The following CCDC88A variants were observed in gnomAD, a reference collection of about 807,000 sequenced individuals.
The protein encoded by CCDC88A is girdin.
A neutral mutation model predicts 234.3 loss-of-function variants in CCDC88A; 54 were observed. That is an observed-to-expected ratio of 0.23 (90% CI 0.19 to 0.29). The LOEUF (loss-of-function observed/expected upper bound fraction) is 0.29, where lower values mean the gene tolerates loss of function less well. Ranked by LOEUF, CCDC88A falls within the 10% of genes least tolerant of loss-of-function variation. CCDC88A has a pLI of 1.00. For missense variants in CCDC88A, 1,832 were observed against 2,123.4 expected (o/e 0.86, Z 2.70); for synonymous variants, 753 against 737.8 (o/e 1.02, Z -0.33).
At chr2:55,325,407 C>T (rs1684139481) in intron 17 of CCDC88A, among the ~76,000 whole-genome samples, 1 of 152,138 alleles carries the variant, frequency 6.6e-6, no homozygotes, top group African/African-American at 2.4e-5. Context: ...GATTAGTTCA[C>T]CTTAGCTGTA....
intron 2 of CCDC88A, among the ~76,000 whole-genome samples, chr2:55,389,461 C>T (rs28498550): frequency 0.065 from 9,828 of 152,084 alleles, 1,004 homozygotes; most frequent in African/African-American, 0.21. Flanking sequence ...TGGGAAATTG[C>T]GGCACCTCCA....
chr2:55,388,944 A>G, intron 2 of CCDC88A, 58 bp from the exon 3 acceptor site: 1 of 497,520 alleles, frequency 2.0e-6, no homozygotes, highest in South Asian at 3.8e-5. Context: ...CAATCTATAT[A>G]TAATTAAAAT....
intron 3 of CCDC88A, among the ~76,000 whole-genome samples, chr2:55,380,391 A>G (rs1042316164): frequency 2.0e-5 from 3 of 152,196 alleles, no homozygotes; most frequent in Admixed American, 1.3e-4. Flanking sequence ...GTTTCACTAA[A>G]TAAGTGGAAA....
In CCDC88A at chr2:55,317,889, T is replaced by C. The variant is rs371496392; in HGVS notation, c.3325-48A>G. 3 of 1,292,808 alleles carry C rather than the reference T, an allele frequency of 2.3e-6. No individual in the cohort carries two copies. The highest frequency in any genetic ancestry group is 1.5e-5 in the African/African-American group (1 of 67,508). 80.1% of individuals were successfully genotyped at this position (1,292,808 alleles called of 1,614,324 possible). A position where few individuals can be genotyped will look rare whatever the true frequency, so the allele number is the denominator to read the frequency against. ...CAGACATAAGAAAAACAGTTCATGT[T>C]CTTTTTCAAAATACAAGATTACAAT... On this transcript the variant is annotated intron_variant, in intron 19 of 32. Coordinates refer to ENST00000436346, the MANE Select transcript of CCDC88A (RefSeq NM_001365480.1). The surrounding 1 kb of genome is among the most constrained non-coding windows in gnomAD (Gnocchi z 4.2).
intron 3 of CCDC88A, among the ~76,000 whole-genome samples, chr2:55,383,787 G>A (rs549112735): frequency 2.0e-5 from 3 of 152,058 alleles, no homozygotes; most frequent in Non-Finnish European, 4.4e-5. Context: ...GGGCTGATGA[G>A]AATTCCATTG....
At chr2:55,340,951 T>G (rs1348812633) in intron 12 of CCDC88A, among the ~76,000 whole-genome samples, 1 of 152,088 alleles carries the variant, frequency 6.6e-6, no homozygotes, top group Non-Finnish European at 1.5e-5. Flanking sequence ...GACCAACATC[T>G]TCCCAATACC....
intron 28 of CCDC88A, 144 bp downstream of exon 28, chr2:55,301,062 A>T (rs1558629368): frequency 1.6e-6 from 1 of 606,218 alleles, no homozygotes; most frequent in Non-Finnish European, 2.9e-6. Flanking sequence ...ATTAGGTTTG[A>T]AGAAATGGTA....
chr2:55,372,589 G>T, intron 4 of CCDC88A, 79 bp from the exon 5 acceptor site: 2 of 713,002 alleles, frequency 2.8e-6, no homozygotes, highest in East Asian at 5.3e-5. Flanking sequence ...ACTTCTAGAG[G>T]TAATTATGCA....
intron 29 of CCDC88A, among the ~76,000 whole-genome samples, chr2:55,297,843 A>C (rs1291395314): frequency 2.0e-5 from 3 of 152,202 alleles, no homozygotes; most frequent in African/African-American, 4.8e-5. Context: ...TTCATCCTGC[A>C]TGGATAACTT....
intron 2 of CCDC88A, among the ~76,000 whole-genome samples, chr2:55,402,998 G>T (rs1378893861): frequency 2.0e-5 from 3 of 151,190 alleles, no homozygotes; most frequent in African/African-American, 7.3e-5. Flanking sequence ...AACTGAGCAA[G>T]ACTCCGTCTA....
intron 2 of CCDC88A, among the ~76,000 whole-genome samples, chr2:55,413,929 G>A (rs370260048): frequency 8.0e-5 from 12 of 150,876 alleles, no homozygotes; most frequent in African/African-American, 2.2e-4. Context: ...TCCAGCCCGG[G>A]CAACAGAACA....
chr2:55,334,294 G>T lies in CCDC88A; in HGVS notation c.2527C>A (p.Gln843Lys). 4 of 1,453,502 alleles carry T rather than the reference G, an allele frequency of 2.8e-6. No homozygotes were observed. Among genetic ancestry groups the T allele is most frequent in the Non-Finnish European group, 3.6e-6 (4 of 1,105,240 alleles). The allele number at this position is 1,453,502 out of a possible 1,614,324, so 90.0% of individuals were successfully genotyped here. A position where few individuals can be genotyped will look rare whatever the true frequency, so the allele number is the denominator to read the frequency against. ...QLEKENKRLR[Q>K]QAEIKDTTLE... is the part of the protein sequence containing the mutation. ...GTGGTATCTTTAATTTCTGCTTGTT[G>T]TCGGAGTCTCTTATTTTCCTTCTCC... Residue 843 changes from glutamine to lysine, a missense_variant, in exon 15 of 33, where the codon CAA becomes AAA. By Grantham distance (53) the Gln-to-Lys change is moderately conservative (BLOSUM62 1). Transcript: ENST00000436346. The surrounding 1 kb of genome is among the most constrained non-coding windows in gnomAD (Gnocchi z 6.1).
rs745526477 is a variant in CCDC88A at position 55,317,444 on chromosome 2, T to G, written c.3603-95A>C. On this transcript the variant is annotated intron_variant, in intron 20 of 32. Coordinates refer to ENST00000436346, the MANE Select transcript of CCDC88A (RefSeq NM_001365480.1). This position sits in a 1 kb window ranked among gnomAD's most constrained non-coding sequence, Gnocchi z 4.2. Reference sequence around the variant, plus strand: ...TAATGAGTATCATTTAAAACACATGTAAATTTATATAAATTTCTTATGTAA... The same window carrying G: ...TAATGAGTATCATTTAAAACACATGGAAATTTATATAAATTTCTTATGTAA... 37 of 1,144,358 alleles carry G rather than the reference T, an allele frequency of 3.2e-5. No individual in the cohort carries two copies. Among genetic ancestry groups the G allele is most frequent in the Non-Finnish European group, 4.2e-5 (35 of 841,226 alleles). 70.9% of individuals were successfully genotyped at this position (1,144,358 alleles called of 1,614,324 possible).
rs760418400 is a variant in CCDC88A at position 55,348,151 on chromosome 2, G to A, written c.882+1367C>T. On this transcript the variant is annotated intron_variant, in intron 9 of 32. Transcript: ENST00000436346. ...GCTAATTTTTTCATTTTTTTGTAGCGATGAGGTTTTGTCACGTTGCCCAGG... is the reference window on the plus strand; with the variant it reads ...GCTAATTTTTTCATTTTTTTGTAGCAATGAGGTTTTGTCACGTTGCCCAGG... Among the ~76,000 whole-genome samples the A allele has an allele frequency of 2.6e-5, 4 of 152,056 alleles. No individual in the cohort carries two copies. In the East Asian group the frequency reaches 7.8e-4, roughly 30 times the overall value.
rs199912954 is a variant in CCDC88A at position 55,328,262 on chromosome 2, T to C, written c.2997+32A>G. On this transcript the variant is annotated intron_variant, in intron 17 of 32. Coordinates refer to ENST00000436346, the MANE Select transcript of CCDC88A (RefSeq NM_001365480.1). The surrounding 1 kb of genome is among the most constrained non-coding windows in gnomAD (Gnocchi z 4.3). The stretch of plus-strand genomic sequence containing the variant: ...GTCCAAATATTTATATAATAAATGA[T>C]CCTTAAAATTCTTTCCAAGAAAATC... 4.9e-5 allele frequency: 71 copies of C among 1,459,300 alleles called. 1 individual carries two copies. Among genetic ancestry groups the C allele is most frequent in the Middle Eastern group, 1.9e-4 (1 of 5,172 alleles). The allele number at this position is 1,459,300 out of a possible 1,614,324, so 90.4% of individuals were successfully genotyped here. A position where few individuals can be genotyped will look rare whatever the true frequency, so the allele number is the denominator to read the frequency against.
rs766466151 is a variant in CCDC88A, at chr2:55,316,117, A to G, written c.3747-3T>C. ...GTTGACTATAGGTATGATTCAGCCT[A>G]TAATTAGAAATCATAGAAATATAAT... On this transcript the variant is annotated splice_polypyrimidine_tract_variant and splice_region_variant and intron_variant, in intron 21 of 32. Coordinates refer to ENST00000436346, the MANE Select transcript of CCDC88A (RefSeq NM_001365480.1). The G allele has an allele frequency of 3.1e-6, 4 of 1,271,938 alleles. No individual in the cohort carries two copies. Among genetic ancestry groups the G allele is most frequent in the Admixed American group, 2.5e-5 (1 of 40,622 alleles). The allele number at this position is 1,271,938 out of a possible 1,614,324, so 78.8% of individuals were successfully genotyped here.
At chr2:55,367,525 C>CTTTTTTTTTTTTTTTTTTTTTTTTTT (rs1262914627) in intron 5 of CCDC88A, among the ~76,000 whole-genome samples, 6 of 33,580 alleles carry the variant, frequency 1.8e-4, no homozygotes, top group African/African-American at 1.5e-3. Context: ...GTTTTATTTC[C>CTTTTTTTTTTTTTTTTTTTTTTTTTT]TTGTTTTTTT....
intron 3 of CCDC88A, among the ~76,000 whole-genome samples, chr2:55,377,252 C>T (rs1389870369): frequency 7.7e-6 from 1 of 129,274 alleles, no homozygotes; most frequent in Admixed American, 9.4e-5. Context: ...CATGGGAGTA[C>T]ATCGGTGCAA....
At chr2:55,408,781 G>A (rs1031635753) in intron 2 of CCDC88A, among the ~76,000 whole-genome samples, 2 of 151,984 alleles carry the variant, frequency 1.3e-5, no homozygotes, top group African/African-American at 4.8e-5. Context: ...TTATAGACTT[G>A]CCCTAAATTC....
Sources: allele counts gnomAD v4.1 joint callset (sites outside exome capture counted in the v4.1 genomes callset), GRCh38; gene constraint gnomAD v4.1.1; non-coding constraint Gnocchi (gnomAD v3.1); transcripts MANE v1.5; gene names NCBI Gene and HGNC (gene_info 2026-07-23, HGNC 2026-07-21).